ADARB1: variants seen among roughly 807,000 people sequenced by gnomAD.
ADARB1 encodes double-stranded RNA-specific editase 1.
A neutral mutation model predicts 52.4 loss-of-function variants in ADARB1; 10 were observed. The ratio of observed to expected loss-of-function variants is 0.19; its 90% CI spans 0.12 to 0.32. The LOEUF is 0.32. ADARB1 is among the 10% of genes least tolerant of loss of function. The probability of loss-of-function intolerance (pLI) is 1.00; values close to 1 mark genes in which losing one functional copy is unlikely to be tolerated. For synonymous variants in ADARB1, 349 were observed against 371.1 expected, an observed-to-expected ratio of 0.94 and a Z score of 0.68; for missense variants, 643 against 922.3, an observed-to-expected ratio of 0.70 and a Z score of 3.92.
At chr21:45,102,166 A>G (rs2087048420) in intron 1 of ADARB1, among the ~76,000 whole-genome samples, 1 of 152,234 alleles carries the variant, frequency 6.6e-6, no homozygotes, top group African/African-American at 2.4e-5. Flanking sequence ...TGCTGGGATT[A>G]CAGATGTGAG....
intron 2 of ADARB1, among the ~76,000 whole-genome samples, chr21:45,170,507 T>C (rs421716): frequency 0.51 from 77,394 of 151,930 alleles, 20,090 homozygotes; most frequent in South Asian, 0.58. Context: ...ATTTAACTTT[T>C]AGCAACACAT....
At chr21:45,098,911 C>T (rs1041850994) in intron 1 of ADARB1, among the ~76,000 whole-genome samples, 3 of 152,204 alleles carry the variant, frequency 2.0e-5, no homozygotes, top group African/African-American at 4.8e-5. Context: ...GCCTCTGCCT[C>T]AGAATTGGGG....
chr21:45,159,824 C>T (rs185876476), intron 2 of ADARB1, among the ~76,000 whole-genome samples: 15 of 152,314 alleles, frequency 9.8e-5, no homozygotes, highest in Non-Finnish European at 1.8e-4. Context: ...TGTTGGCTTC[C>T]AAGAGGCCAG....
chr21:45,172,278 CTTCTAG>C lies in ADARB1; in HGVS notation c.28+598_28+603del, dbSNP rs1453530189. Among the ~76,000 whole-genome samples, 1 of 152,124 alleles carries C rather than the reference CTTCTAG, an allele frequency of 6.6e-6. No individual in the cohort carries two copies. Among genetic ancestry groups the C allele is most frequent in the Non-Finnish European group, 1.5e-5 (1 of 68,028 alleles). Reference sequence around the variant, plus strand: ...GGTGTTTCGGTGAAGGTACTTATCTCTTCTAGTTCATCTTCAGTCCCAGAAAACAGG... The same window carrying C: ...GGTGTTTCGGTGAAGGTACTTATCTCTTCATCTTCAGTCCCAGAAAACAGG... On this transcript the variant is annotated intron_variant, in intron 3 of 10. Transcript: ENST00000348831. The surrounding 1 kb of genome is among the most constrained non-coding windows in gnomAD (Gnocchi z 4.4).
At chr21:45,178,162 A>G (rs2091776583) in intron 4 of ADARB1, among the ~76,000 whole-genome samples, 1 of 152,222 alleles carries the variant, frequency 6.6e-6, no homozygotes, top group African/African-American at 2.4e-5. Context: ...TGTGTAGGCT[A>G]GGAGCACCTT....
At chr21:45,164,754 G>A (rs1396632552) in intron 2 of ADARB1, among the ~76,000 whole-genome samples, 1 of 152,140 alleles carries the variant, frequency 6.6e-6, no homozygotes, top group East Asian at 1.9e-4. Context: ...TGGCTGCTGC[G>A]AGGAGAGGGG....
In ADARB1 at chr21:45,221,113, A is replaced by C. The variant is rs1157797056; in HGVS notation, c.1926+99A>C. 1 of 1,332,412 alleles carries C rather than the reference A, an allele frequency of 7.5e-7. No individual in the cohort carries two copies. Among genetic ancestry groups the C allele is most frequent in the Non-Finnish European group, 1.0e-6 (1 of 990,328 alleles). 82.5% of individuals were successfully genotyped at this position (1,332,412 alleles called of 1,614,324 possible). A position where few individuals can be genotyped will look rare whatever the true frequency, so the allele number is the denominator to read the frequency against. On this transcript the variant is annotated intron_variant, in intron 10 of 10. Coordinates refer to ENST00000348831, the MANE Select transcript of ADARB1 (RefSeq NM_001112.4). This position sits in a 1 kb window ranked among gnomAD's most constrained non-coding sequence, Gnocchi z 4.9. ...CCTTAAGTTGTTTCATCATGTCATC[A>C]TGCACAGCTTCCGAAAACGATCACT... is the stretch of plus-strand genomic sequence containing the variant.
At chr21:45,193,214 G>A (rs1375312429) in intron 8 of ADARB1, among the ~76,000 whole-genome samples, 1 of 152,122 alleles carries the variant, frequency 6.6e-6, no homozygotes, top group East Asian at 1.9e-4. Flanking sequence ...ACCAAATACA[G>A]CATCATGACC....
intron 1 of ADARB1, among the ~76,000 whole-genome samples, chr21:45,109,084 T>C (rs930140253): frequency 2.0e-5 from 3 of 152,268 alleles, no homozygotes; most frequent in African/African-American, 7.2e-5. Flanking sequence ...CAGACCAGGC[T>C]CTGGGGTTCA....
chr21:45,106,564 C>T lies in ADARB1; in HGVS notation c.-219-21838C>T, dbSNP rs1433300787. On this transcript the variant is annotated intron_variant, in intron 1 of 10. Transcript: ENST00000348831. ...GCTGTCCCCCTTTTCTCTTACTCTCCGGATGAGTGACTTGGGAACTTCCGA... is the reference window on the plus strand; with the variant it reads ...GCTGTCCCCCTTTTCTCTTACTCTCTGGATGAGTGACTTGGGAACTTCCGA... 4.6e-5 allele frequency among the ~76,000 whole-genome samples: 7 copies of T among 152,264 alleles called. No individual in the cohort carries two copies. The South Asian group carries it at 8.3e-4, about 18-fold the overall frequency.
intron 8 of ADARB1, among the ~76,000 whole-genome samples, chr21:45,198,521 A>T (rs1006735067): frequency 1.3e-5 from 2 of 151,558 alleles, no homozygotes; most frequent in Admixed American, 1.3e-4. Flanking sequence ...ACACACACAC[A>T]TACACACACA....
chr21:45,207,098 G>A (rs1405790691), intron 9 of ADARB1, among the ~76,000 whole-genome samples: 1 of 152,106 alleles, frequency 6.6e-6, no homozygotes, highest in African/African-American at 2.4e-5. Flanking sequence ...CAATCCTTCT[G>A]GACAAATGTG....
At chr21:45,083,030 C>G (rs1353501747) in intron 1 of ADARB1, among the ~76,000 whole-genome samples, 1 of 152,152 alleles carries the variant, frequency 6.6e-6, no homozygotes, top group African/African-American at 2.4e-5. Context: ...TGCTGCGTGC[C>G]CTGCTCACTG....
intron 8 of ADARB1, among the ~76,000 whole-genome samples, chr21:45,185,738 CTAA>C (rs2092082394): frequency 6.6e-6 from 1 of 152,062 alleles, no homozygotes; most frequent in African/African-American, 2.4e-5. Flanking sequence ...CATTTTTAAA[CTAA>C]TGTTTATTTG....
At chr21:45,082,372 C>G (rs2086187017) in intron 1 of ADARB1, among the ~76,000 whole-genome samples, 1 of 152,182 alleles carries the variant, frequency 6.6e-6, no homozygotes, top group Admixed American at 6.5e-5. Context: ...CACTTTCACA[C>G]CATCATAAAG....
At chr21:45,127,139 C>T (rs2088633132) in intron 1 of ADARB1, among the ~76,000 whole-genome samples, 1 of 152,128 alleles carries the variant, frequency 6.6e-6, no homozygotes, top group South Asian at 2.1e-4. Flanking sequence ...TGCTCTCTGC[C>T]CACTGGGGAG....
intron 1 of ADARB1, among the ~76,000 whole-genome samples, chr21:45,075,126 G>A (rs577709116): frequency 1.3e-5 from 2 of 151,068 alleles, no homozygotes; most frequent in East Asian, 4.0e-4. Context: ...TGCGCCCTGG[G>A]GACCGAGACT....
At chr21:45,115,112 C>T (rs993191973) in intron 1 of ADARB1, among the ~76,000 whole-genome samples, 10 of 152,160 alleles carry the variant, frequency 6.6e-5, no homozygotes, top group South Asian at 4.2e-4. Context: ...GATTTTAAGG[C>T]GACCAAACTT....
At position 45,138,801 on chromosome 21, in the gene ADARB1, C is replaced by T. The variant is rs565704876; in HGVS notation, c.-48+10228C>T. On this transcript the variant is annotated intron_variant, in intron 2 of 10. Transcript: ENST00000348831. ...CTAGAGACTGAGTGGCCCATGTGCT[C>T]GTGGCCTGTGGGCCCTGGGCGGCCT... Among the ~76,000 whole-genome samples the T allele has an allele frequency of 1.6e-4, 24 of 152,226 alleles. No individual in the cohort carries two copies. The South Asian group carries it at 5.0e-3, about 32-fold the overall frequency.
Sources: gnomAD v4.1 joint callset for allele counts (sites outside exome capture counted in the v4.1 genomes callset) on GRCh38, gnomAD v4.1.1 for gene constraint, Gnocchi (gnomAD v3.1) non-coding constraint, MANE v1.5 for transcripts, NCBI Gene and HGNC (gene_info 2026-07-23, HGNC 2026-07-21) for gene names.